The following NBEA variants were observed in gnomAD, a reference collection of about 807,000 sequenced individuals.
NBEA encodes the protein neurobeachin.
NBEA carries 44 observed loss-of-function variants against 343.4 expected under a neutral mutation model. The ratio of observed to expected loss-of-function variants is 0.13; its 90% CI spans 0.10 to 0.16. The LOEUF (loss-of-function observed/expected upper bound fraction) is 0.16, where lower values mean the gene tolerates loss of function less well. NBEA is among the 10% of genes least tolerant of loss of function. The pLI is 1.00. For synonymous variants in NBEA, 1,175 were observed against 1,238.7 expected, an observed-to-expected ratio of 0.95 and a Z score of 1.08; for missense variants, 2,555 against 3,631.3, an observed-to-expected ratio of 0.70 and a Z score of 7.62.
chr13:35,668,659 A>AG, intron 58 of NBEA, 140 bp downstream of exon 58: 1 of 831,638 alleles, frequency 1.2e-6, no homozygotes. Context: ...GGGGAAAATG[A>AG]GGGGAAGAGT....
intron 34 of NBEA, among the ~76,000 whole-genome samples, chr13:35,259,553 A>C (rs900388286): frequency 1.3e-5 from 2 of 152,146 alleles, no homozygotes; most frequent in African/African-American, 2.4e-5. Context: ...TTCTATTTTC[A>C]CATTAGGGGA....
chr13:35,641,362 CA>C (rs2083938509), intron 49 of NBEA, among the ~76,000 whole-genome samples: 1 of 152,098 alleles, frequency 6.6e-6, no homozygotes, highest in Non-Finnish European at 1.5e-5. Flanking sequence ...TAACCTCCAT[CA>C]AAAGACATGT....
intron 34 of NBEA, among the ~76,000 whole-genome samples, chr13:35,239,024 G>T (rs1218906355): frequency 6.6e-6 from 1 of 151,794 alleles, no homozygotes; most frequent in Admixed American, 6.6e-5. Context: ...AAAAATTATA[G>T]ACTAAAATAT....
At chr13:34,985,884 C>T (rs1449883601) in intron 1 of NBEA, among the ~76,000 whole-genome samples, 2 of 150,288 alleles carry the variant, frequency 1.3e-5, no homozygotes, top group Non-Finnish European at 3.0e-5. Flanking sequence ...TGGTGATATC[C>T]CCTTTACTAT....
At chr13:35,033,280 G>T (rs184833940) in intron 1 of NBEA, among the ~76,000 whole-genome samples, 1 of 151,892 alleles carries the variant, frequency 6.6e-6, no homozygotes, top group African/African-American at 2.4e-5. Context: ...CCTAGTGTAT[G>T]TTCTAGGCAC....
chr13:35,409,518 T>G (rs1390523995), intron 38 of NBEA, among the ~76,000 whole-genome samples: 3 of 152,140 alleles, frequency 2.0e-5, no homozygotes, highest in Admixed American at 6.6e-5. Flanking sequence ...CTGTGTAACA[T>G]TAACATGATA....
rs1451989890 is a variant in NBEA at position 35,303,991 on chromosome 13, T to C, written c.5839-5537T>C. The stretch of plus-strand genomic sequence containing the variant: ...TTCCTGAAATACGAAAATGACAATG[T>C]AATGGCATGCAAACAAATGAAATAG... On this transcript the variant is annotated intron_variant, in intron 35 of 58. Transcript: ENST00000379939. Among the ~76,000 whole-genome samples, 3 of 152,206 alleles carry C rather than the reference T, an allele frequency of 2.0e-5. No individual in the cohort carries two copies. The East Asian group carries it at 5.8e-4, about 29-fold the overall frequency.
intron 34 of NBEA, among the ~76,000 whole-genome samples, chr13:35,258,544 A>G (rs1334128749): frequency 6.6e-6 from 1 of 151,832 alleles, no homozygotes; most frequent in East Asian, 1.9e-4. Flanking sequence ...TGGCCATAAA[A>G]AAAAAACAGT....
intron 52 of NBEA, among the ~76,000 whole-genome samples, chr13:35,651,213 C>A (rs1199701456): frequency 6.6e-6 from 1 of 152,214 alleles, no homozygotes; most frequent in Non-Finnish European, 1.5e-5. Flanking sequence ...AAGCTCTAAA[C>A]ATTAATCCTC....
intron 1 of NBEA, among the ~76,000 whole-genome samples, chr13:34,945,596 C>T (rs1015645236): frequency 6.6e-6 from 1 of 151,934 alleles, no homozygotes; most frequent in Admixed American, 6.6e-5. Context: ...TAGTTTAACA[C>T]ATTAAATAAA....
At chr13:35,299,251 G>C (rs1008858542) in intron 35 of NBEA, among the ~76,000 whole-genome samples, 1 of 151,924 alleles carries the variant, frequency 6.6e-6, no homozygotes, top group Non-Finnish European at 1.5e-5. Flanking sequence ...ATTTTTCCTT[G>C]TAATTTTTTT....
At chr13:35,571,334 A>G (rs2080406256) in intron 45 of NBEA, among the ~76,000 whole-genome samples, 1 of 152,218 alleles carries the variant, frequency 6.6e-6, no homozygotes, top group Admixed American at 6.5e-5. Flanking sequence ...CACAGCTGAA[A>G]GTGGCTTGAA....
intron 1 of NBEA, among the ~76,000 whole-genome samples, chr13:35,015,197 C>T (rs1338174682): frequency 6.7e-6 from 1 of 149,764 alleles, no homozygotes; most frequent in African/African-American, 2.5e-5. Flanking sequence ...TCCATTTAAC[C>T]CCATTGAATC....
intron 1 of NBEA, among the ~76,000 whole-genome samples, chr13:34,980,061 T>C (rs1301429550): frequency 6.6e-6 from 1 of 152,178 alleles, no homozygotes; most frequent in African/African-American, 2.4e-5. Context: ...TGTTGGTCTT[T>C]ATGTCAGTAC....
chr13:35,417,490 T>C (rs180827149), intron 38 of NBEA, among the ~76,000 whole-genome samples: 1 of 152,326 alleles, frequency 6.6e-6, no homozygotes, highest in South Asian at 2.1e-4. Flanking sequence ...CATTTTGTTA[T>C]GTACCCAGTA....
At chr13:35,261,586 C>G (rs944852445) in intron 34 of NBEA, among the ~76,000 whole-genome samples, 4 of 151,848 alleles carry the variant, frequency 2.6e-5, no homozygotes, top group Non-Finnish European at 5.9e-5. Flanking sequence ...AAATGGAACT[C>G]TGGAAAATGA....
At chr13:35,287,619 C>G (rs1440378273) in intron 34 of NBEA, among the ~76,000 whole-genome samples, 2 of 151,936 alleles carry the variant, frequency 1.3e-5, no homozygotes, top group Non-Finnish European at 2.9e-5. Flanking sequence ...CTTTTTGTCC[C>G]CTTGTCTGAC....
chr13:35,664,770 G>T (rs532787455), intron 55 of NBEA, among the ~76,000 whole-genome samples: 38 of 152,318 alleles, frequency 2.5e-4, no homozygotes, highest in African/African-American at 9.1e-4. Context: ...ACAGATAAAT[G>T]CCTTAGCAGG....
At chr13:35,119,039 T>C (rs980953015) in intron 16 of NBEA, among the ~76,000 whole-genome samples, 4 of 152,078 alleles carry the variant, frequency 2.6e-5, no homozygotes, top group African/African-American at 9.7e-5. Flanking sequence ...TTAAAGATGA[T>C]GACTTGAGAC....
Sources: allele counts gnomAD v4.1 joint callset (sites outside exome capture counted in the v4.1 genomes callset), GRCh38; gene constraint gnomAD v4.1.1; transcripts MANE v1.5; gene names NCBI Gene and HGNC (gene_info 2026-07-23, HGNC 2026-07-21).